ZSWIM6: variants seen among roughly 807,000 people sequenced by gnomAD.
The protein encoded by ZSWIM6 is zinc finger SWIM-type containing 6.
In ZSWIM6, 9 loss-of-function variants were observed where a neutral mutation model predicts 113.2. The ratio of observed to expected loss-of-function variants is 0.08; its 90% CI spans 0.05 to 0.14. The LOEUF is 0.14. Among genes scored for constraint, ZSWIM6 ranks in the 10% least tolerant of loss-of-function variants. The pLI is 1.00. For missense variants in ZSWIM6, 1,162 were observed against 1,552.2 expected, an observed-to-expected ratio of 0.75 and a Z score of 4.22; for synonymous variants, 611 against 606.5, an observed-to-expected ratio of 1.01 and a Z score of -0.11.
intron 1 of ZSWIM6, among the ~76,000 whole-genome samples, chr5:61,358,446 A>G (rs1369680272): frequency 1.3e-5 from 2 of 152,228 alleles, no homozygotes; most frequent in Admixed American, 6.5e-5. Flanking sequence ...CAATTTTCCC[A>G]CTTGATAGGG....
At chr5:61,454,415 C>T (rs983424185) in intron 1 of ZSWIM6, among the ~76,000 whole-genome samples, 5 of 151,666 alleles carry the variant, frequency 3.3e-5, no homozygotes, top group Non-Finnish European at 5.9e-5. Flanking sequence ...GCCATCACAC[C>T]CAACTAATTT....
At position 61,448,827 on chromosome 5, in the gene ZSWIM6, C is replaced by T. The variant is rs113832632; in HGVS notation, c.677-23854C>T. Among the ~76,000 whole-genome samples, 41 of 152,278 alleles carry T rather than the reference C, an allele frequency of 2.7e-4. 1 individual carries two copies. The highest frequency in any genetic ancestry group is 9.9e-4 in the African/African-American group (41 of 41,554). On this transcript the variant is annotated intron_variant, in intron 1 of 13. Coordinates refer to ENST00000252744, the MANE Select transcript of ZSWIM6 (RefSeq NM_020928.2). The stretch of plus-strand genomic sequence containing the variant: ...CCATAGATGGGAGTGGAAGTTAAGA[C>T]TAGCCTTGACTAGAAATACTGAAGT...
At chr5:61,527,278 C>T (rs527939033) in intron 7 of ZSWIM6, among the ~76,000 whole-genome samples, 61 of 152,060 alleles carry the variant, frequency 4.0e-4, no homozygotes, top group African/African-American at 1.4e-3. Flanking sequence ...TTAGCAGGTT[C>T]GTTTTCACTC....
intron 7 of ZSWIM6, 82 bp from the exon 8 acceptor site, chr5:61,529,970 T>C: frequency 8.0e-7 from 1 of 1,248,710 alleles, no homozygotes; most frequent in Non-Finnish European, 1.1e-6. Context: ...TGCTATTAAA[T>C]GGTAAAGCCT....
At chr5:61,341,756 C>T (rs1024405812) in intron 1 of ZSWIM6, among the ~76,000 whole-genome samples, 11 of 148,472 alleles carry the variant, frequency 7.4e-5, no homozygotes, top group Non-Finnish European at 1.0e-4. Context: ...TGTCAACGTG[C>T]CTCCTCCTCC....
chr5:61,458,070 C>T (rs1457985066), intron 1 of ZSWIM6, among the ~76,000 whole-genome samples: 1 of 152,102 alleles, frequency 6.6e-6, no homozygotes, highest in African/African-American at 2.4e-5. Context: ...ATCACCTATT[C>T]TCAAGAATGG....
chr5:61,508,399 A>G (rs1748685664), intron 4 of ZSWIM6, among the ~76,000 whole-genome samples: 1 of 152,150 alleles, frequency 6.6e-6, no homozygotes, highest in African/African-American at 2.4e-5. Flanking sequence ...GTATATTGAG[A>G]TACCTTTTAT....
rs1398754225 is a variant in ZSWIM6 at position 61,521,358 on chromosome 5, GT to G, written c.1430del (p.Val477AlafsTer16). The G allele has an allele frequency of 6.5e-7, 1 of 1,532,160 alleles. No homozygotes were observed. The highest frequency in any genetic ancestry group is 8.8e-7 in the Non-Finnish European group (1 of 1,138,198). 94.9% of individuals were successfully genotyped at this position (1,532,160 alleles called of 1,614,324 possible). ...KQLKKWNSVD[V>X]CPWEDGNHGS... ...GCTGAAGAAATGGAATAGTGTTGAT[GT>G]CTGTCCATGGGAAGATGGAAATCAT... On this transcript the variant is annotated frameshift_variant, in exon 5 of 14. Transcript: ENST00000252744. LOFTEE classifies it high-confidence loss of function.
At chr5:61,463,908 A>G (rs1486450088) in intron 1 of ZSWIM6, among the ~76,000 whole-genome samples, 1 of 152,162 alleles carries the variant, frequency 6.6e-6, no homozygotes, top group East Asian at 1.9e-4. Context: ...CAGAGATGAA[A>G]GAGCTCTGCC....
At position 61,472,189 on chromosome 5, in the gene ZSWIM6, A is replaced by G. The variant is rs1747587351; in HGVS notation, c.677-492A>G. Among the ~76,000 whole-genome samples the G allele has an allele frequency of 6.6e-6, 1 of 152,156 alleles. No individual in the cohort carries two copies. The highest frequency in any genetic ancestry group is 2.4e-5 in the African/African-American group (1 of 41,424). ...GAAGGGACTCCCTTAGAGTTGCAGT[A>G]TTGGTTGGTTGGAGCCAGCTAGTGG... On this transcript the variant is annotated intron_variant, in intron 1 of 13. Coordinates refer to ENST00000252744, the MANE Select transcript of ZSWIM6 (RefSeq NM_020928.2). This position sits in a 1 kb window ranked among gnomAD's most constrained non-coding sequence, Gnocchi z 4.1.
In ZSWIM6 at chr5:61,333,486, C is replaced by G. The variant is rs1282237617; in HGVS notation, c.676+538C>G. The stretch of plus-strand genomic sequence containing the variant: ...CGCGATTTGAGGGGAGGGGAATACA[C>G]TTAAAGCCGCTCGGCCGCCGCTCCT... On this transcript the variant is annotated intron_variant, in intron 1 of 13. Coordinates refer to ENST00000252744, the MANE Select transcript of ZSWIM6 (RefSeq NM_020928.2). Among the ~76,000 whole-genome samples, 12 of 152,098 alleles carry G rather than the reference C, an allele frequency of 7.9e-5. No individual in the cohort carries two copies. In the South Asian group the frequency reaches 2.3e-3, roughly 29 times the overall value.
At chr5:61,408,622 G>C (rs1312037696) in intron 1 of ZSWIM6, among the ~76,000 whole-genome samples, 1 of 152,148 alleles carries the variant, frequency 6.6e-6, no homozygotes, top group East Asian at 1.9e-4. Flanking sequence ...TTCGAAGTTC[G>C]ACCAGGAAAA....
At chr5:61,534,005 G>C (rs1185545338) in intron 9 of ZSWIM6, among the ~76,000 whole-genome samples, 1 of 152,156 alleles carries the variant, frequency 6.6e-6, no homozygotes, top group Non-Finnish European at 1.5e-5. Flanking sequence ...AATCCTGTTG[G>C]ATCAGGGCCC....
At chr5:61,491,108 T>C (rs1211150954) in intron 3 of ZSWIM6, among the ~76,000 whole-genome samples, 174 bp downstream of exon 3, 2 of 152,086 alleles carry the variant, frequency 1.3e-5, no homozygotes, top group Non-Finnish European at 2.9e-5. Context: ...TTAGGTGATC[T>C]TAGACAAGAT....
chr5:61,403,297 C>T (rs1044117714), intron 1 of ZSWIM6, among the ~76,000 whole-genome samples: 12 of 152,288 alleles, frequency 7.9e-5, no homozygotes, highest in Admixed American at 7.2e-4. Context: ...TTCTTTATTA[C>T]CAAAATTATA....
At chr5:61,429,560 G>A (rs1249960517) in intron 1 of ZSWIM6, among the ~76,000 whole-genome samples, 2 of 152,204 alleles carry the variant, frequency 1.3e-5, no homozygotes, top group African/African-American at 4.8e-5. Flanking sequence ...AGTGTGAGGC[G>A]TTAGAGTGCA....
chr5:61,423,142 C>G (rs1746387863), intron 1 of ZSWIM6, among the ~76,000 whole-genome samples: 3 of 152,196 alleles, frequency 2.0e-5, no homozygotes, highest in African/African-American at 7.2e-5. Context: ...CGCAGTGGCT[C>G]ACGCCTGTAA....
chr5:61,477,016 A>G (rs1747723832), intron 2 of ZSWIM6, among the ~76,000 whole-genome samples: 1 of 152,238 alleles, frequency 6.6e-6, no homozygotes, highest in Non-Finnish European at 1.5e-5. Flanking sequence ...TGGGGTATCC[A>G]CAAGTACTCA....
intron 4 of ZSWIM6, among the ~76,000 whole-genome samples, chr5:61,500,997 G>A (rs1748451094): frequency 1.3e-5 from 2 of 152,098 alleles, no homozygotes; most frequent in South Asian, 4.1e-4. Flanking sequence ...GTATACTCTG[G>A]TCTCAGTTTC....
Sources: gnomAD v4.1 joint callset for allele counts (sites outside exome capture counted in the v4.1 genomes callset) on GRCh38, gnomAD v4.1.1 for gene constraint, Gnocchi (gnomAD v3.1) non-coding constraint, MANE v1.5 for transcripts, NCBI Gene and HGNC (gene_info 2026-07-23, HGNC 2026-07-21) for gene names.